Variants in DACH2 observed in about 807,000 individuals in gnomAD.
DACH2 encodes the protein dachshund family transcription factor 2.
Under a neutral mutation model 35.8 loss-of-function variants are expected in DACH2, and 17 were observed. That is an observed-to-expected ratio of 0.48 (90% CI 0.33 to 0.71). The LOEUF is 0.71. DACH2 is among the 30% of genes least tolerant of loss of function. The probability of loss-of-function intolerance (pLI) is 0.02; values close to 1 mark genes in which losing one functional copy is unlikely to be tolerated. For missense variants in DACH2, 469 were observed against 472.7 expected, an observed-to-expected ratio of 0.99 and a Z score of 0.07; for synonymous variants, 195 against 177.3, an observed-to-expected ratio of 1.10 and a Z score of -0.79.
At chrX:86,253,992 T>C (rs2033452465) in intron 1 of DACH2, among the ~76,000 whole-genome samples, 1 of 112,179 alleles carries the variant, frequency 8.9e-6, no homozygotes, top group Admixed American at 9.5e-5. Context: ...TTGTAAGATG[T>C]ATTGGGTTTC....
intron 2 of DACH2, among the ~76,000 whole-genome samples, chrX:86,438,125 C>T (rs778176965): frequency 9.4e-4 from 102 of 108,306 alleles, no homozygotes; most frequent in African/African-American, 3.2e-3. Flanking sequence ...CAAGTGAGAA[C>T]ATCTGGTATT....
intron 2 of DACH2, among the ~76,000 whole-genome samples, chrX:86,513,783 G>C (rs1037689123): frequency 1.8e-5 from 2 of 111,689 alleles, no homozygotes; most frequent in East Asian, 5.6e-4. Flanking sequence ...TTTGTTCCTC[G>C]TTGGCTCCCA....
chrX:86,637,241 A>AAAAAAAAAAAAAAAAAAAAAC (rs1569457456), intron 3 of DACH2, among the ~76,000 whole-genome samples: 1 of 77,926 alleles, frequency 1.3e-5, no homozygotes, highest in Non-Finnish European at 2.4e-5. Context: ...AAAAAAAAAA[A>AAAAAAAAAAAAAAAAAAAAAC]AAAAACAGAT....
At chrX:86,266,474 C>T (rs1262900078) in intron 1 of DACH2, among the ~76,000 whole-genome samples, 1 of 111,760 alleles carries the variant, frequency 8.9e-6, no homozygotes, top group Non-Finnish European at 1.9e-5. Flanking sequence ...AACTGACGTT[C>T]TAAAAACATT....
chrX:86,543,671 C>A (rs1342429590), intron 3 of DACH2, among the ~76,000 whole-genome samples: 1 of 110,151 alleles, frequency 9.1e-6, no homozygotes, highest in Admixed American at 9.7e-5. Flanking sequence ...TCAAGAATGT[C>A]AGAATACAGT....
intron 1 of DACH2, among the ~76,000 whole-genome samples, chrX:86,262,132 A>C (rs2033637818): frequency 9.3e-6 from 1 of 107,951 alleles, no homozygotes. Flanking sequence ...GAAAAAAAAA[A>C]ACACACACTA....
At chrX:86,441,873 A>G (rs755934519) in intron 2 of DACH2, among the ~76,000 whole-genome samples, 6,290 of 101,906 alleles carry the variant, frequency 0.062, 563 homozygotes, top group African/African-American at 0.21. Flanking sequence ...GTGTGTGTAT[A>G]TATATATATA....
chrX:86,379,163 A>G (rs2036009911), intron 2 of DACH2, among the ~76,000 whole-genome samples: 1 of 111,628 alleles, frequency 9.0e-6, no homozygotes, highest in African/African-American at 3.2e-5. Context: ...GCCTTTAAAC[A>G]AATTCCCAAT....
At chrX:86,633,925 C>A (rs1372669998) in intron 3 of DACH2, among the ~76,000 whole-genome samples, 1 of 112,010 alleles carries the variant, frequency 8.9e-6, no homozygotes, top group Non-Finnish European at 1.9e-5. Context: ...AATTCAGCAT[C>A]CTTTCATAAT....
chrX:86,698,914 TATATC>T (rs2041106855), intron 5 of DACH2, among the ~76,000 whole-genome samples: 1 of 110,877 alleles, frequency 9.0e-6, no homozygotes, highest in Non-Finnish European at 1.9e-5. Flanking sequence ...TAGCAATTCT[TATATC>T]AGATAAAACA....
At chrX:86,527,793 A>G (rs2038655580) in intron 3 of DACH2, among the ~76,000 whole-genome samples, 2 of 111,775 alleles carry the variant, frequency 1.8e-5, no homozygotes, top group Non-Finnish European at 3.8e-5. Flanking sequence ...AAGTCGTGTC[A>G]TTTTGCATTC....
At chrX:86,546,345 T>C (rs12843137) in intron 3 of DACH2, among the ~76,000 whole-genome samples, 2 of 75,173 alleles carry the variant, frequency 2.7e-5, no homozygotes, top group Non-Finnish European at 4.8e-5. Context: ...CTTCCTCTTC[T>C]TCTTCTTCTT....
Position 86,739,807 on chromosome X carries a change from A to T in DACH2, c.1165A>T (p.Ser389Cys). 2 of 1,200,358 alleles carry T rather than the reference A, an allele frequency of 1.7e-6. No individual in the cohort carries two copies. Among genetic ancestry groups the T allele is most frequent in the Non-Finnish European group, 2.2e-6 (2 of 889,272 alleles). Residue 389 changes from serine to cysteine, a missense_variant, in exon 7 of 12, where the codon AGC (serine) becomes TGC (cysteine). Around this residue, in one of 3 missense-constraint regions of DACH2, gnomAD observed 363 missense variants for 334.4 expected, o/e 1.09. Transcript: ENST00000373125. ...TCTAGAAGAGAATCATCGTCCTGGG[A>T]GCCAGACCTCTTCCCACACCAGCAG... ...PSLEENHRPG[S>C]QTSSHTSSSV...
chrX:86,514,411 G>T lies in DACH2; in HGVS notation c.640+20G>T. 5 of 1,166,734 alleles carry T rather than the reference G, an allele frequency of 4.3e-6. No homozygotes were observed. The highest frequency in any genetic ancestry group is 1.8e-5 in the South Asian group (1 of 54,236). ...CGACAGGTAATAAAATCCATCTGAT[G>T]ATCAGCCATGTCTCTTCGTACTGCC... On this transcript the variant is annotated intron_variant, in intron 3 of 11. Coordinates refer to ENST00000373125, the MANE Select transcript of DACH2 (RefSeq NM_053281.3).
At chrX:86,624,266 T>C (rs2038721497) in intron 3 of DACH2, among the ~76,000 whole-genome samples, 1 of 111,282 alleles carries the variant, frequency 9.0e-6, no homozygotes. Flanking sequence ...TATCAGTTCA[T>C]GTAGAACTTT....
chrX:86,466,384 A>G (rs1245625315), intron 2 of DACH2, among the ~76,000 whole-genome samples: 3 of 110,014 alleles, frequency 2.7e-5, no homozygotes, highest in Non-Finnish European at 5.7e-5. Context: ...CCCTCCCACA[A>G]CATGTAGGTA....
intron 3 of DACH2, among the ~76,000 whole-genome samples, chrX:86,516,278 A>AC (rs1479842077): frequency 8.9e-6 from 1 of 111,897 alleles, no homozygotes; most frequent in Admixed American, 9.4e-5. Context: ...TAGAAAGAGT[A>AC]CCATGCAAAT....
intron 7 of DACH2, among the ~76,000 whole-genome samples, chrX:86,806,486 G>T (rs1357991198): frequency 9.0e-6 from 1 of 111,547 alleles, no homozygotes; most frequent in Non-Finnish European, 1.9e-5. Flanking sequence ...TTAATTTTGG[G>T]TTTTTCAGAT....
At chrX:86,307,657 T>G (rs762771306) in intron 1 of DACH2, among the ~76,000 whole-genome samples, 89 of 111,125 alleles carry the variant, frequency 8.0e-4, no homozygotes, top group Middle Eastern at 4.6e-3. Context: ...ATGTTGATTC[T>G]CCTCAGAAGC....
Sources: allele counts gnomAD v4.1 joint callset (sites outside exome capture counted in the v4.1 genomes callset), GRCh38; gene constraint gnomAD v4.1.1; regional missense constraint gnomAD v4.1.1; transcripts MANE v1.5; gene names NCBI Gene and HGNC (gene_info 2026-07-23, HGNC 2026-07-21).